PIK3C2A: variants seen among roughly 807,000 people sequenced by gnomAD.
PIK3C2A encodes the protein phosphatidylinositol-4-phosphate 3-kinase catalytic subunit type 2 alpha.
Under a neutral mutation model 204.5 loss-of-function variants are expected in PIK3C2A, and 97 were observed. The observed-to-expected ratio is 0.47, with a 90% confidence interval of 0.40 to 0.56. The LOEUF (loss-of-function observed/expected upper bound fraction) is 0.56, where lower values mean the gene tolerates loss of function less well. PIK3C2A is among the 20% of genes least tolerant of loss of function. PIK3C2A has a pLI of 0.00. For synonymous variants in PIK3C2A, 653 were observed against 664.4 expected, an observed-to-expected ratio of 0.98 and a Z score of 0.26; for missense variants, 1,735 against 1,969.2, an observed-to-expected ratio of 0.88 and a Z score of 2.25.
intron 25 of PIK3C2A, among the ~76,000 whole-genome samples, chr11:17,100,603 CTGGGCTTT>C (rs1420182276): frequency 6.6e-6 from 1 of 152,118 alleles, no homozygotes; most frequent in Non-Finnish European, 1.5e-5. Flanking sequence ...GTGATAAAGT[CTGGGCTTT>C]TAGTGCATCA....
chr11:17,158,381 ATATATAAT>A (rs1193819886), intron 2 of PIK3C2A, among the ~76,000 whole-genome samples: 1 of 148,566 alleles, frequency 6.7e-6, no homozygotes, highest in African/African-American at 2.4e-5. Context: ...AAATATATAT[ATATATAAT>A]TATATATCTA....
At chr11:17,094,430 A>G in intron 27 of PIK3C2A, 45 bp from the exon 28 acceptor site, 1 of 1,551,252 alleles carries the variant, frequency 6.4e-7, no homozygotes, top group African/African-American at 1.4e-5. Flanking sequence ...TATATTTAAA[A>G]CCTTCTTTCC....
chr11:17,121,861 T>C (rs1849377015), intron 15 of PIK3C2A, among the ~76,000 whole-genome samples: 1 of 152,034 alleles, frequency 6.6e-6, no homozygotes, highest in South Asian at 2.1e-4. Context: ...AAAAAATCTC[T>C]TGATATGTAT....
chr11:17,179,713 G>T (rs1220499072), intron 1 of PIK3C2A, among the ~76,000 whole-genome samples: 1 of 152,042 alleles, frequency 6.6e-6, no homozygotes, highest in Non-Finnish European at 1.5e-5. Flanking sequence ...ACTCCTAGAG[G>T]CTCAAGGGAT....
chr11:17,096,978 T>C (rs1192292318), intron 27 of PIK3C2A, 79 bp downstream of exon 27: 20 of 821,658 alleles, frequency 2.4e-5, no homozygotes, highest in South Asian at 6.3e-5. Flanking sequence ...CTTGCAACTT[T>C]AGCAGAATCA....
intron 11 of PIK3C2A, among the ~76,000 whole-genome samples, chr11:17,134,010 T>C (rs1849788658): frequency 1.3e-5 from 2 of 152,210 alleles, no homozygotes; most frequent in Admixed American, 6.5e-5. Flanking sequence ...CCTGCTATAT[T>C]TGCTCTGTTT....
chr11:17,158,881 A>G (rs1850691410), intron 2 of PIK3C2A, among the ~76,000 whole-genome samples: 1 of 152,190 alleles, frequency 6.6e-6, no homozygotes, highest in Admixed American at 6.5e-5. Context: ...GAATTAACAA[A>G]AACTGAATAT....
intron 28 of PIK3C2A, among the ~76,000 whole-genome samples, chr11:17,092,776 G>C (rs1388497137): frequency 1.3e-5 from 2 of 152,168 alleles, no homozygotes; most frequent in Admixed American, 6.6e-5. Context: ...TGTATGTGTT[G>C]ATTTCCTATA....
intron 6 of PIK3C2A, among the ~76,000 whole-genome samples, chr11:17,146,310 A>C (rs962124353): frequency 1.3e-5 from 2 of 152,164 alleles, no homozygotes; most frequent in African/African-American, 4.8e-5. Flanking sequence ...AGGTCATTTA[A>C]ATTTCTGCAT....
chr11:17,113,866 G>A (rs1209278402), intron 20 of PIK3C2A, among the ~76,000 whole-genome samples: 3 of 151,070 alleles, frequency 2.0e-5, no homozygotes, highest in Non-Finnish European at 1.5e-5. Flanking sequence ...CGAATCACGA[G>A]GTCAGGAGTT....
Position 17,097,153 on chromosome 11 carries a change from T to C in PIK3C2A, c.4230A>G (p.Ser1410=), listed in dbSNP as rs1414781124. 4 of 1,611,784 alleles carry C rather than the reference T, an allele frequency of 2.5e-6. No homozygotes were observed. The East Asian group carries it at 8.9e-5, about 36-fold the overall frequency. ...TAAAGGAGTATGTTTTAGGTGAAAA[T>C]GAAAGGATGGGCTCATCATTAGAAG... is the stretch of plus-strand genomic sequence containing the variant. ...GLPSNDEPIL[S]FSPKTYSFRQ... The change falls in exon 27 of 33, where the codon TCA becomes TCG. Residue 1410 remains serine, a synonymous_variant. Coordinates refer to ENST00000691414, the MANE Select transcript of PIK3C2A (RefSeq NM_002645.4).
chr11:17,101,779 AT>A (rs1245538368), intron 24 of PIK3C2A, among the ~76,000 whole-genome samples: 1 of 151,278 alleles, frequency 6.6e-6, no homozygotes, highest in East Asian at 2.0e-4. Flanking sequence ...AATTTTTTGT[AT>A]TTTTAGTAGA....
chr11:17,114,608 T>C (rs1441562043), intron 19 of PIK3C2A, 143 bp from the exon 20 acceptor site: 2 of 502,676 alleles, frequency 4.0e-6, no homozygotes, highest in Non-Finnish European at 7.2e-6. Context: ...AGTTAATTTT[T>C]ACTATAAAAC....
At chr11:17,102,213 G>C (rs892921790) in intron 24 of PIK3C2A, among the ~76,000 whole-genome samples, 3 of 152,094 alleles carry the variant, frequency 2.0e-5, no homozygotes, top group Admixed American at 1.3e-4. Flanking sequence ...GAGGCGGGTA[G>C]ATCACTTGGT....
At chr11:17,133,679 G>A (rs971318485) in intron 11 of PIK3C2A, among the ~76,000 whole-genome samples, 1 of 152,084 alleles carries the variant, frequency 6.6e-6, no homozygotes, top group Non-Finnish European at 1.5e-5. Context: ...TGTAATCCCA[G>A]AACTTTGGGA....
chr11:17,198,683 T>C, intron 1 of PIK3C2A, among the ~76,000 whole-genome samples: 1 of 152,098 alleles, frequency 6.6e-6, no homozygotes, highest in East Asian at 1.9e-4. Flanking sequence ...TCCCACCTAC[T>C]CTGGAGGCTG....
At chr11:17,138,185 C>T (rs969847277) in intron 8 of PIK3C2A, 6 of 917,228 alleles carry the variant, frequency 6.5e-6, no homozygotes, top group Admixed American at 1.7e-5. Flanking sequence ...TACCTGGGTA[C>T]ACACCACATG....
Position 17,169,202 on chromosome 11 carries a change from T to C in PIK3C2A, c.540A>G (p.Pro180=). The change falls in exon 2 of 33, where the codon CCA becomes CCG. Residue 180 remains proline (P), a synonymous_variant. Transcript: ENST00000691414. ...GACTTAAATATATAGGTTCTGTAGA[T>C]GGAAAAGTGGGCATTCTTGGATTGA... ...NGFNPRMPTF[P]STEPIYLSLP... is the part of the protein sequence containing the mutation. 1 of 1,614,082 alleles carries C rather than the reference T, an allele frequency of 6.2e-7. No homozygotes were observed. The highest frequency in any genetic ancestry group is 8.5e-7 in the Non-Finnish European group (1 of 1,179,988).
At chr11:17,094,077 T>G (rs1220445373) in intron 28 of PIK3C2A, among the ~76,000 whole-genome samples, 184 bp downstream of exon 28, 1 of 152,240 alleles carries the variant, frequency 6.6e-6, no homozygotes, top group Non-Finnish European at 1.5e-5. Flanking sequence ...CATTTATTCA[T>G]TCAACAAAAA....
Sources: allele counts gnomAD v4.1 joint callset (sites outside exome capture counted in the v4.1 genomes callset), GRCh38; gene constraint gnomAD v4.1.1; transcripts MANE v1.5; gene names NCBI Gene and HGNC (gene_info 2026-07-23, HGNC 2026-07-21).